Variants in FAM135A observed in about 807,000 individuals in gnomAD.
FAM135A encodes family with sequence similarity 135 member A.
A neutral mutation model predicts 146.8 loss-of-function variants in FAM135A; 79 were observed. The ratio of observed to expected loss-of-function variants is 0.54; its 90% CI spans 0.45 to 0.65. The LOEUF is 0.65. FAM135A is among the 30% of genes least tolerant of loss of function. The pLI, the probability that FAM135A is intolerant of heterozygous loss-of-function variation, is 0.00. For synonymous variants in FAM135A, 562 were observed against 603.6 expected (o/e 0.93, Z 1.01); for missense variants, 1,623 against 1,758.2 (o/e 0.92, Z 1.38).
At chr6:70,487,083 C>CAAAAAAAA (rs34560435) in intron 10 of FAM135A, among the ~76,000 whole-genome samples, 6 of 40,594 alleles carry the variant, frequency 1.5e-4, no homozygotes, top group African/African-American at 4.5e-4. Flanking sequence ...ACTCCCATCT[C>CAAAAAAAA]AAAAAAAAAA....
rs70990314 is a variant in FAM135A, at chr6:70,526,802, CAT to C, written c.3614+114_3614+115del. The C allele has an allele frequency of 3.5e-3, 1,860 of 527,588 alleles. 9 individuals carry two copies. Among genetic ancestry groups the C allele is most frequent in the Non-Finnish European group, 4.3e-3 (1,490 of 344,622 alleles). The allele number at this position is 527,588 out of a possible 1,614,324, so 32.7% of individuals were successfully genotyped here. A position where few individuals can be genotyped will look rare whatever the true frequency, so the allele number is the denominator to read the frequency against. ...ACACACACACACACACACACACACACATATATATATAAAATCATAGATAGTGC... is the reference window on the plus strand; with the variant it reads ...ACACACACACACACACACACACACACATATATATAAAATCATAGATAGTGC... On this transcript the variant is annotated intron_variant, in intron 15 of 21. Coordinates refer to ENST00000418814, the MANE Select transcript of FAM135A (RefSeq NM_001162529.3).
intron 4 of FAM135A, among the ~76,000 whole-genome samples, chr6:70,432,551 CCTTA>C (rs1302203565): frequency 6.6e-6 from 1 of 152,100 alleles, no homozygotes; most frequent in African/African-American, 2.4e-5. Flanking sequence ...AAATAGACAT[CCTTA>C]CTTCTTTATA....
At chr6:70,524,304 C>G (rs907918475) in intron 14 of FAM135A, 39 bp from the exon 15 acceptor site, 12 of 1,453,176 alleles carry the variant, frequency 8.3e-6, no homozygotes, top group African/African-American at 1.4e-5. Context: ...GTTCTCACAC[C>G]TTGTTTTAAA....
intron 7 of FAM135A, among the ~76,000 whole-genome samples, chr6:70,476,914 A>C (rs900987279): frequency 6.6e-6 from 1 of 152,116 alleles, no homozygotes; most frequent in Non-Finnish European, 1.5e-5. Context: ...TTTTATAGGG[A>C]TATTAGTGAA....
intron 20 of FAM135A, among the ~76,000 whole-genome samples, chr6:70,552,413 G>A (rs1055800002): frequency 4.0e-5 from 6 of 151,614 alleles, no homozygotes; most frequent in South Asian, 2.1e-4. Flanking sequence ...CAGGAGCGGC[G>A]GGGCGAGGGG....
At chr6:70,438,042 A>G (rs1015604034) in intron 4 of FAM135A, among the ~76,000 whole-genome samples, 14 of 152,162 alleles carry the variant, frequency 9.2e-5, no homozygotes, top group Admixed American at 4.6e-4. Flanking sequence ...ATATGTGGTT[A>G]TTGGAAAAAA....
intron 8 of FAM135A, among the ~76,000 whole-genome samples, chr6:70,479,264 G>T (rs1229494921): frequency 7.9e-5 from 12 of 152,132 alleles, no homozygotes; most frequent in Non-Finnish European, 1.6e-4. Context: ...TTAAATACGT[G>T]CTTCCTCTTG....
intron 10 of FAM135A, among the ~76,000 whole-genome samples, chr6:70,483,704 T>C (rs995757983): frequency 6.6e-6 from 1 of 152,194 alleles, no homozygotes; most frequent in African/African-American, 2.4e-5. Flanking sequence ...AAAACTATTA[T>C]ACTAACATAT....
At chr6:70,451,778 T>C (rs1355110376) in intron 4 of FAM135A, among the ~76,000 whole-genome samples, 3 of 152,158 alleles carry the variant, frequency 2.0e-5, no homozygotes, top group Non-Finnish European at 2.9e-5. Context: ...TATCTAAACT[T>C]ATCCCTAATT....
At chr6:70,428,455 T>C (rs773519727) in intron 4 of FAM135A, 36 bp downstream of exon 4, 6 of 1,447,254 alleles carry the variant, frequency 4.1e-6, no homozygotes, top group Admixed American at 1.9e-5. Flanking sequence ...ATATTTTGCA[T>C]AAGATGTACA....
At chr6:70,528,488 C>G (rs916943561) in intron 16 of FAM135A, 36 bp downstream of exon 16, 3 of 1,431,118 alleles carry the variant, frequency 2.1e-6, no homozygotes, top group Admixed American at 2.6e-5. Flanking sequence ...CAGAGCAACT[C>G]AATATATTTT....
At chr6:70,490,773 A>G (rs934888571) in intron 10 of FAM135A, among the ~76,000 whole-genome samples, 4 of 152,042 alleles carry the variant, frequency 2.6e-5, no homozygotes, top group African/African-American at 9.6e-5. Flanking sequence ...CAGTTGTGCA[A>G]GTTACTTTAT....
Position 70,525,385 on chromosome 6 carries a change from T to A in FAM135A, c.2301T>A (p.Phe767Leu). The change falls in exon 15 of 22, where the codon TTT becomes TTA. Residue 767 changes from phenylalanine to leucine, a missense_variant. Physicochemically the swap from Phe to Leu is conservative, Grantham distance 22 (BLOSUM62 0). Coordinates refer to ENST00000418814, the MANE Select transcript of FAM135A (RefSeq NM_001162529.3). ...GTGCCACATATGCCTCATCTAGATT[T>A]TCAGATTCAGGTGTTGAAAGTGAAC... ...DISATYASSR[F>L]SDSGVESEPS... 1 of 1,613,724 alleles carries A rather than the reference T, an allele frequency of 6.2e-7. No homozygotes were observed. Among genetic ancestry groups the A allele is most frequent in the Non-Finnish European group, 8.5e-7 (1 of 1,179,686 alleles).
intron 12 of FAM135A, among the ~76,000 whole-genome samples, chr6:70,505,999 T>C (rs1000305381): frequency 2.6e-5 from 4 of 152,180 alleles, no homozygotes; most frequent in African/African-American, 7.2e-5. Context: ...TTACTAATGG[T>C]CTGGCATCAT....
At position 70,526,410 on chromosome 6, in the gene FAM135A, A is replaced by T. The variant is rs746711807; in HGVS notation, c.3326A>T (p.Asp1109Val). 6.2e-7 allele frequency: 1 copy of T among 1,613,656 alleles called. No individual in the cohort carries two copies. Among genetic ancestry groups the T allele is most frequent in the Non-Finnish European group, 8.5e-7 (1 of 1,179,680 alleles). ...YYEETDYSALDGTINAHYTSR... is the reference protein window; with the variant it reads ...YYEETDYSALVGTINAHYTSR... ...GAAGAAACAGATTATTCAGCTTTGG[A>T]TGGAACAATAAATGCTCACTATACA... Residue 1109 changes from aspartate (D) to valine (V), a missense_variant, in exon 15 of 22, where the codon GAT becomes GTT. By Grantham distance (152) the Asp-to-Val change is radical (BLOSUM62 -3). Coordinates refer to ENST00000418814, the MANE Select transcript of FAM135A (RefSeq NM_001162529.3).
At chr6:70,545,434 G>A (rs757482757) in intron 20 of FAM135A, among the ~76,000 whole-genome samples, 24 of 151,992 alleles carry the variant, frequency 1.6e-4, no homozygotes, top group Non-Finnish European at 2.8e-4. Context: ...CCAACATGGT[G>A]AAACCCTGTC....
chr6:70,435,137 A>G (rs901440861), intron 4 of FAM135A, among the ~76,000 whole-genome samples: 3 of 133,466 alleles, frequency 2.2e-5, no homozygotes, highest in Non-Finnish European at 4.7e-5. Context: ...ATGGAGTCTC[A>G]CTCTTGCCCA....
At chr6:70,482,417 C>G (rs1445085645) in intron 10 of FAM135A, among the ~76,000 whole-genome samples, 1 of 152,052 alleles carries the variant, frequency 6.6e-6, no homozygotes, top group Non-Finnish European at 1.5e-5. Flanking sequence ...ATCTGTTCCT[C>G]TTAAAATATA....
intron 12 of FAM135A, among the ~76,000 whole-genome samples, chr6:70,505,856 T>C (rs1187019155): frequency 6.6e-6 from 1 of 152,142 alleles, no homozygotes; most frequent in Non-Finnish European, 1.5e-5. Flanking sequence ...GTAAACAGGA[T>C]CCATGTATCA....
Sources: gnomAD v4.1 joint callset for allele counts (sites outside exome capture counted in the v4.1 genomes callset) on GRCh38, gnomAD v4.1.1 for gene constraint, MANE v1.5 for transcripts, NCBI Gene and HGNC (gene_info 2026-07-23, HGNC 2026-07-21) for gene names.